ECHDC2: variants seen among roughly 807,000 people sequenced by gnomAD.
ECHDC2 encodes enoyl-CoA hydratase domain-containing protein 2, mitochondrial.
Under a neutral mutation model 40.6 loss-of-function variants are expected in ECHDC2, and 34 were observed. The observed-to-expected ratio is 0.84, with a 90% confidence interval of 0.64 to 1.11. The LOEUF (loss-of-function observed/expected upper bound fraction) is 1.11. Ranked by LOEUF, ECHDC2 falls within the 50% of genes most tolerant of loss-of-function variation. The probability of loss-of-function intolerance (pLI) is 0.00; values close to 1 mark genes in which losing one functional copy is unlikely to be tolerated. For missense variants in ECHDC2, 392 were observed against 400.7 expected (o/e 0.98, Z 0.19); for synonymous variants, 162 against 166.6 (o/e 0.97, Z 0.21).
intron 7 of ECHDC2, among the ~76,000 whole-genome samples, chr1:52,902,629 A>G (rs1647058372): frequency 6.6e-6 from 1 of 152,238 alleles, no homozygotes; most frequent in African/African-American, 2.4e-5. Flanking sequence ...ATATATGTCA[A>G]TATTAAAATG....
chr1:52,898,989 A>C (rs1467570931), intron 8 of ECHDC2, 185 bp downstream of exon 8: 5 of 692,968 alleles, frequency 7.2e-6, no homozygotes, highest in Non-Finnish European at 1.3e-5. Flanking sequence ...GAATGTAAAC[A>C]ATAATACTGT....
At position 52,895,984 on chromosome 1, in the gene ECHDC2, G is replaced by T. The variant is rs1014683789; in HGVS notation, c.*536C>A. The T allele has an allele frequency of 3.7e-4, 56 of 153,372 alleles. No homozygotes were observed. Among genetic ancestry groups the T allele is most frequent in the Middle Eastern group, 3.4e-3 (1 of 292 alleles). The allele number at this position is 153,372 out of a possible 1,614,324, so 9.5% of individuals were successfully genotyped here. On this transcript the variant is annotated 3_prime_UTR_variant, in exon 10 of 10. Coordinates refer to ENST00000371522, the MANE Select transcript of ECHDC2 (RefSeq NM_001198961.2). ...AATCTTCACAAGTTTTGTTTTGTAGGTGAGGAAGCTGAGGCCCAGAGCATT... is the reference window on the plus strand; with the variant it reads ...AATCTTCACAAGTTTTGTTTTGTAGTTGAGGAAGCTGAGGCCCAGAGCATT...
chr1:52,899,292 C>T, intron 7 of ECHDC2, 68 bp from the exon 8 acceptor site: 13 of 1,504,336 alleles, frequency 8.6e-6, no homozygotes, highest in Non-Finnish European at 1.2e-5. Flanking sequence ...CTGAGGTGCA[C>T]AGCTTTGTTT....
Position 52,910,313 on chromosome 1 carries a change from A to G in ECHDC2, c.277+1253T>C, listed in dbSNP as rs555908583. Among the ~76,000 whole-genome samples the G allele has an allele frequency of 1.2e-4, 16 of 139,072 alleles. No individual in the cohort carries two copies. In the East Asian group the frequency reaches 3.5e-3, roughly 31 times the overall value. The allele number at this position is 139,072 out of a possible 152,430, so 91.2% of individuals were successfully genotyped here. On this transcript the variant is annotated intron_variant, in intron 3 of 9. Transcript: ENST00000371522. ...AATTGTACACTTAAAAATGGTTAAA[A>G]CGGTAAATTTTGTGTTACTTATATT...
chr1:52,918,358 T>TAA (rs536606545), intron 1 of ECHDC2, among the ~76,000 whole-genome samples: 2,097 of 124,528 alleles, frequency 0.017, 50 homozygotes, highest in African/African-American at 0.058. Flanking sequence ...TCCTACTTAT[T>TAA]AAAAAAAAAA....
Position 52,914,090 on chromosome 1 carries a change from TA to T in ECHDC2, c.122-2301del, listed in dbSNP as rs1650156648. The T allele has an allele frequency of 1.7e-6, 1 of 591,810 alleles. No individual in the cohort carries two copies. Among genetic ancestry groups the T allele is most frequent in the African/African-American group, 1.9e-5 (1 of 52,460 alleles). The allele number at this position is 591,810 out of a possible 1,614,324, so 36.7% of individuals were successfully genotyped here. A position where few individuals can be genotyped will look rare whatever the true frequency, so the allele number is the denominator to read the frequency against. ...ACTCAAGGCCTGTCCTCATGGAACC[TA>T]CAGCCTAGTGGGGAAGACAGACATT... On this transcript the variant is annotated intron_variant, in intron 1 of 9. Transcript: ENST00000371522. This position sits in a 1 kb window ranked among gnomAD's most constrained non-coding sequence, Gnocchi z 4.0.
At position 52,914,593 on chromosome 1, in the gene ECHDC2, G is replaced by C. The variant is rs375618435; in HGVS notation, c.122-2803C>G. ...ACCCAGGGCTCCCGTGTGTGCCCAG[G>C]AGCCCAGAGCTCTCCTGTGCACCCC... On this transcript the variant is annotated intron_variant, in intron 1 of 9. Transcript: ENST00000371522. The surrounding 1 kb of genome is among the most constrained non-coding windows in gnomAD (Gnocchi z 4.0). Among the ~76,000 whole-genome samples, 1 of 152,094 alleles carries C rather than the reference G, an allele frequency of 6.6e-6. No homozygotes were observed. Among genetic ancestry groups the C allele is most frequent in the South Asian group, 2.1e-4 (1 of 4,826 alleles).
intron 1 of ECHDC2, chr1:52,917,600 G>A (rs754043440): frequency 1.3e-4 from 59 of 455,960 alleles, no homozygotes; most frequent in Non-Finnish European, 3.1e-5. Flanking sequence ...TTGTGGTGGA[G>A]AACCTTAGTG....
Position 52,907,937 on chromosome 1 carries a change from G to A in ECHDC2, c.295C>T (p.Arg99Trp), listed in dbSNP as rs755991925. The change falls in exon 4 of 10, where the codon CGG becomes TGG. Residue 99 changes from arginine (R) to tryptophan (W), a missense_variant. Physicochemically the swap from Arg to Trp is moderately radical, Grantham distance 101. Transcript: ENST00000371522. ...VFCAGADLKE[R>W]EQMSEAEVGV... ...ACCTCTGCTTCACTCATCTGTTCCC[G>A]CTCCTTCAGGTCTGCACCTGCAGAT... 6.8e-6 allele frequency: 11 copies of A among 1,612,406 alleles called. No homozygotes were observed. The highest frequency in any genetic ancestry group is 1.7e-5 in the Admixed American group (1 of 59,896).
chr1:52,911,702 C>T (rs769043619), intron 2 of ECHDC2, 21 bp downstream of exon 2: 2 of 1,614,202 alleles, frequency 1.2e-6, no homozygotes, highest in African/African-American at 1.3e-5. Flanking sequence ...CCAGCCCACC[C>T]TGGCGCCCGC....
In ECHDC2 at chr1:52,906,538, G is replaced by C. The variant is rs1242430916; in HGVS notation, c.438C>G (p.Ala146=). Residue 146 remains alanine (A), a synonymous_variant, in exon 5 of 10, where the codon GCC becomes GCG. Coordinates refer to ENST00000371522, the MANE Select transcript of ECHDC2 (RefSeq NM_001198961.2). ...ALGGGLELAL[A]CDLRVAASSA... ...CAGTACCTGCCACTCGGAGGTCACAGGCCAGGGCAAGCTCTAGGCCTCCGC... is the reference window on the plus strand; with the variant it reads ...CAGTACCTGCCACTCGGAGGTCACACGCCAGGGCAAGCTCTAGGCCTCCGC... 8 of 1,612,154 alleles carry C rather than the reference G, an allele frequency of 5.0e-6. No individual in the cohort carries two copies. The highest frequency in any genetic ancestry group is 5.9e-6 in the Non-Finnish European group (7 of 1,179,688).
intron 4 of ECHDC2, among the ~76,000 whole-genome samples, 199 bp from the exon 5 acceptor site, chr1:52,906,810 G>A (rs1647997680): frequency 1.3e-5 from 2 of 150,706 alleles, no homozygotes; most frequent in Admixed American, 1.3e-4. Context: ...TGTCACCCAG[G>A]CTGGAGTGCA....
Position 52,914,344 on chromosome 1 carries a change from G to A in ECHDC2, c.122-2554C>T, listed in dbSNP as rs1355395599. Among the ~76,000 whole-genome samples, 1 of 152,152 alleles carries A rather than the reference G, an allele frequency of 6.6e-6. No individual in the cohort carries two copies. The highest frequency in any genetic ancestry group is 1.5e-5 in the Non-Finnish European group (1 of 68,008). ...TGCATGGGTGCATATGTGAGCGTGT[G>A]CATGAGTGCCTGTGTGTGTGCATGC... On this transcript the variant is annotated intron_variant, in intron 1 of 9. Coordinates refer to ENST00000371522, the MANE Select transcript of ECHDC2 (RefSeq NM_001198961.2). This position sits in a 1 kb window ranked among gnomAD's most constrained non-coding sequence, Gnocchi z 4.0.
chr1:52,914,952 C>A lies in ECHDC2; in HGVS notation c.122-3162G>T, dbSNP rs183886407. ...TTTGGGTCACAGTCATCTTTCTTAC[C>A]CCAATCCGACCACGTCCCTCCCCTT... On this transcript the variant is annotated intron_variant, in intron 1 of 9. Transcript: ENST00000371522. This position sits in a 1 kb window ranked among gnomAD's most constrained non-coding sequence, Gnocchi z 4.0. Among the ~76,000 whole-genome samples, 2,140 of 152,196 alleles carry A rather than the reference C, an allele frequency of 0.014. 28 individuals are homozygous for A. The highest frequency in any genetic ancestry group is 0.018 in the Non-Finnish European group (1,193 of 67,988).
intron 1 of ECHDC2, among the ~76,000 whole-genome samples, chr1:52,919,612 A>T (rs1651456835): frequency 6.6e-6 from 1 of 152,252 alleles, no homozygotes; most frequent in African/African-American, 2.4e-5. Flanking sequence ...CGCTAAGAAC[A>T]GTGAAGAATG....
intron 1 of ECHDC2, chr1:52,913,931 T>C (rs1397679835): frequency 8.6e-7 from 1 of 1,162,740 alleles, no homozygotes; most frequent in African/African-American, 1.6e-5. Context: ...TCACTGCTTC[T>C]CTTCTGCCCA....
chr1:52,897,301 C>T (rs1394963344), intron 9 of ECHDC2, 136 bp downstream of exon 9: 2 of 900,454 alleles, frequency 2.2e-6, no homozygotes, highest in Non-Finnish European at 3.7e-6. Context: ...CTCCAGGTGA[C>T]TTATGAGGGA....
chr1:52,912,903 C>T (rs1649882904), intron 1 of ECHDC2: 1 of 151,960 alleles, frequency 6.6e-6, no homozygotes, highest in Non-Finnish European at 1.5e-5. Context: ...TCAGGCTTGT[C>T]TCGAACTCCT....
intron 5 of ECHDC2, chr1:52,906,015 C>A (rs1484097923): frequency 3.5e-5 from 10 of 283,144 alleles, no homozygotes; most frequent in Admixed American, 2.9e-4. Flanking sequence ...AGGTCAGTCA[C>A]CTGAGAAAAT....
Sources: gnomAD v4.1 joint callset for allele counts (sites outside exome capture counted in the v4.1 genomes callset) on GRCh38, gnomAD v4.1.1 for gene constraint, Gnocchi (gnomAD v3.1) non-coding constraint, MANE v1.5 for transcripts, NCBI Gene and HGNC (gene_info 2026-07-23, HGNC 2026-07-21) for gene names.